Variants in LARP1B observed in about 807,000 individuals in gnomAD.
LARP1B encodes the protein la-related protein 1B.
LARP1B carries 76 observed loss-of-function variants against 114.2 expected under a neutral mutation model. The observed-to-expected ratio is 0.67, with a 90% CI of 0.55 to 0.81. The LOEUF is 0.81. Ranked by LOEUF, LARP1B falls within the 30% of genes least tolerant of loss-of-function variation. LARP1B has a pLI of 0.00. For missense variants in LARP1B, 1,014 were observed against 1,075.8 expected (o/e 0.94, Z 0.80); for synonymous variants, 345 against 348.0 (o/e 0.99, Z 0.10).
At position 128,114,429 on chromosome 4, in the gene LARP1B, A is replaced by G. The variant is rs1033081328; in HGVS notation, c.989-141A>G. On this transcript the variant is annotated intron_variant, in intron 9 of 19. Transcript: ENST00000326639. ...ATCTTATGAGCCCTTCAGGTTTGAA[A>G]ATCACTGGAAAGCTTACAGTTGAGA... 6 of 647,390 alleles carry G rather than the reference A, an allele frequency of 9.3e-6. No individual in the cohort carries two copies. The Admixed American group carries it at 1.2e-4, about 13-fold the overall frequency. 40.1% of individuals were successfully genotyped at this position (647,390 alleles called of 1,614,324 possible). A position where few individuals can be genotyped will look rare whatever the true frequency, so the allele number is the denominator to read the frequency against.
intron 11 of LARP1B, among the ~76,000 whole-genome samples, chr4:128,135,918 A>T (rs1234333892): frequency 1.3e-5 from 2 of 152,104 alleles, no homozygotes; most frequent in African/African-American, 4.8e-5. Context: ...AAATTTTGTG[A>T]TGTGTTTTTT....
At chr4:128,142,196 C>T (rs13139182) in intron 11 of LARP1B, among the ~76,000 whole-genome samples, 90,012 of 152,004 alleles carry the variant, frequency 0.59, 27,765 homozygotes, top group Middle Eastern at 0.8. Context: ...GCAAGTTCCA[C>T]TGGGAGTGCA....
intron 5 of LARP1B, among the ~76,000 whole-genome samples, chr4:128,083,329 G>GGGT (rs1771418682): frequency 6.6e-6 from 1 of 152,128 alleles, no homozygotes; most frequent in African/African-American, 2.4e-5. Context: ...ATGAGCTGTT[G>GGGT]GGTACACCTC....
chr4:128,085,621 G>A (rs555559219), intron 5 of LARP1B, among the ~76,000 whole-genome samples: 2 of 152,256 alleles, frequency 1.3e-5, no homozygotes, highest in Non-Finnish European at 2.9e-5. Flanking sequence ...TCCTGCCTCG[G>A]CCTCCCGAAG....
chr4:128,095,583 T>C (rs1561181215), intron 7 of LARP1B, among the ~76,000 whole-genome samples: 3 of 151,908 alleles, frequency 2.0e-5, no homozygotes, highest in African/African-American at 7.3e-5. Flanking sequence ...AGCTTTGCAC[T>C]CTGACAATTG....
At chr4:128,100,303 C>G (rs1345875799) in intron 8 of LARP1B, among the ~76,000 whole-genome samples, 1 of 147,688 alleles carries the variant, frequency 6.8e-6, no homozygotes, top group Non-Finnish European at 1.5e-5. Context: ...GACAGAGTCT[C>G]TCTCTGTCGC....
rs57382183 is a variant in LARP1B, at chr4:128,172,937, ATGTG to A, written c.1649-3903_1649-3900del. ...CAGAGTCTATTTTTAATCCCATCCA[ATGTG>A]TGTGTGTGTGTGTGTGTGTGTGTGT... On this transcript the variant is annotated intron_variant, in intron 12 of 19. Coordinates refer to ENST00000326639, the MANE Select transcript of LARP1B (RefSeq NM_018078.4). Among the ~76,000 whole-genome samples the A allele has an allele frequency of 4.4e-3, 601 of 137,084 alleles. 5 individuals are homozygous for A. Among genetic ancestry groups the A allele is most frequent in the Admixed American group, 7.2e-3 (98 of 13,662 alleles). 89.9% of individuals were successfully genotyped at this position (137,084 alleles called of 152,430 possible).
At chr4:128,091,323 T>G (rs1260602624) in intron 6 of LARP1B, 24 bp from the exon 7 acceptor site, 3 of 1,589,830 alleles carry the variant, frequency 1.9e-6, no homozygotes, top group Non-Finnish European at 2.6e-6. Context: ...GTGATTACCT[T>G]TCTTTTTCTT....
chr4:128,165,380 A>G (rs983822467), intron 12 of LARP1B, among the ~76,000 whole-genome samples: 28 of 152,192 alleles, frequency 1.8e-4, no homozygotes, highest in African/African-American at 4.6e-4. Context: ...AATTTGACCA[A>G]TATATTGCTA....
At chr4:128,114,294 A>G (rs1181831648) in intron 9 of LARP1B, among the ~76,000 whole-genome samples, 1 of 152,202 alleles carries the variant, frequency 6.6e-6, no homozygotes, top group East Asian at 1.9e-4. Flanking sequence ...GTACTGTCAT[A>G]ATTAGGAAGT....
At chr4:128,090,968 C>G in intron 5 of LARP1B, 33 bp from the exon 6 acceptor site, 4 of 1,462,982 alleles carry the variant, frequency 2.7e-6, no homozygotes, top group East Asian at 2.4e-5. Flanking sequence ...CTTGGCAAAT[C>G]GAAGTATATA....
Position 128,124,755 on chromosome 4 carries a change from A to G in LARP1B, c.1524+2567A>G, listed in dbSNP as rs116067790. Among the ~76,000 whole-genome samples the G allele has an allele frequency of 2.2e-3, 336 of 152,332 alleles. 2 individuals are homozygous for G. The highest frequency in any genetic ancestry group is 7.1e-3 in the African/African-American group (296 of 41,578). On this transcript the variant is annotated intron_variant, in intron 11 of 19. Transcript: ENST00000326639. ...AAGACAAACAGGTGGCAGAGGAAATATAGAAGTGAGAAGACCTGTCTCATC... is the reference window on the plus strand; with the variant it reads ...AAGACAAACAGGTGGCAGAGGAAATGTAGAAGTGAGAAGACCTGTCTCATC...
In LARP1B at chr4:128,122,438, GTTT is replaced by G. The variant is rs377102754; in HGVS notation, c.1524+263_1524+265del. On this transcript the variant is annotated intron_variant, in intron 11 of 19. Transcript: ENST00000326639. The stretch of plus-strand genomic sequence containing the variant: ...TTAGTACTCACTGACTTATACCCTT[GTTT>G]TTTTTTTTTTTTGTTTTGTTTTTTT... 21 of 1,189,278 alleles carry G rather than the reference GTTT, an allele frequency of 1.8e-5. No individual in the cohort carries two copies. The African/African-American group carries it at 2.1e-4, about 12-fold the overall frequency. 73.7% of individuals were successfully genotyped at this position (1,189,278 alleles called of 1,614,324 possible).
chr4:128,131,199 C>G (rs2150107695), intron 11 of LARP1B, among the ~76,000 whole-genome samples: 1 of 152,216 alleles, frequency 6.6e-6, no homozygotes, highest in South Asian at 2.1e-4. Context: ...ATGTATCACT[C>G]TAGTGCAGGA....
intron 12 of LARP1B, among the ~76,000 whole-genome samples, chr4:128,166,793 A>G (rs1456650881): frequency 6.7e-6 from 1 of 149,864 alleles, no homozygotes; most frequent in African/African-American, 2.4e-5. Context: ...TTTTTTAAAG[A>G]TTCTATATAT....
chr4:128,191,256 C>T (rs1276928922), intron 15 of LARP1B, among the ~76,000 whole-genome samples: 2 of 151,954 alleles, frequency 1.3e-5, no homozygotes, highest in African/African-American at 4.8e-5. Flanking sequence ...TTTTCTTCTC[C>T]CTGACTCCTT....
intron 1 of LARP1B, among the ~76,000 whole-genome samples, chr4:128,063,583 C>A (rs925507072): frequency 6.6e-6 from 1 of 151,408 alleles, no homozygotes; most frequent in African/African-American, 2.4e-5. Context: ...AGTTCAAGAC[C>A]ATCCTGACTA....
At chr4:128,156,673 G>A (rs1005817088) in intron 11 of LARP1B, among the ~76,000 whole-genome samples, 6 of 151,694 alleles carry the variant, frequency 4.0e-5, no homozygotes, top group Non-Finnish European at 7.4e-5. Context: ...CCATTCTGCC[G>A]CCCCCTCCTG....
intron 9 of LARP1B, chr4:128,107,859 A>AG: frequency 6.5e-7 from 1 of 1,535,112 alleles, no homozygotes; most frequent in Middle Eastern, 1.7e-4. Flanking sequence ...CTTGGGAAAA[A>AG]ATGTGTGCTT....
Sources: gnomAD v4.1 joint callset for allele counts (sites outside exome capture counted in the v4.1 genomes callset) on GRCh38, gnomAD v4.1.1 for gene constraint, MANE v1.5 for transcripts, NCBI Gene and HGNC (gene_info 2026-07-23, HGNC 2026-07-21) for gene names.